Variants in LMNTD1 observed in about 807,000 individuals in gnomAD.
LMNTD1 encodes the protein lamin tail domain-containing protein 1.
A neutral mutation model predicts 50.9 loss-of-function variants in LMNTD1; 35 were observed. That is an observed-to-expected ratio of 0.69 (90% CI 0.53 to 0.91). The LOEUF (loss-of-function observed/expected upper bound fraction) is 0.91. Among genes scored for constraint, LMNTD1 ranks in the 40% least tolerant of loss-of-function variants. LMNTD1 has a pLI of 0.00. For synonymous variants in LMNTD1, 153 were observed against 161.9 expected, an observed-to-expected ratio of 0.94 and a Z score of 0.42; for missense variants, 470 against 475.5, an observed-to-expected ratio of 0.99 and a Z score of 0.11.
At chr12:25,490,520 A>G (rs753035142) in intron 9 of LMNTD1, among the ~76,000 whole-genome samples, 4 of 152,206 alleles carry the variant, frequency 2.6e-5, no homozygotes, top group African/African-American at 4.8e-5. Context: ...CATTTAAGGT[A>G]TGGAAAAAGG....
At chr12:25,637,848 A>G (rs2136616285) in intron 1 of LMNTD1, among the ~76,000 whole-genome samples, 1 of 152,192 alleles carries the variant, frequency 6.6e-6, no homozygotes, top group South Asian at 2.1e-4. Context: ...CATTAGGAGA[A>G]TGGAAATCAA....
At chr12:25,565,642 T>C (rs1490645474) in intron 1 of LMNTD1, among the ~76,000 whole-genome samples, 1 of 152,214 alleles carries the variant, frequency 6.6e-6, no homozygotes, top group Admixed American at 6.5e-5. Context: ...TACAGTGTTA[T>C]AATGTTCTGT....
At chr12:25,544,518 T>A (rs145793314) in intron 4 of LMNTD1, among the ~76,000 whole-genome samples, 1 of 151,960 alleles carries the variant, frequency 6.6e-6, no homozygotes, top group Non-Finnish European at 1.5e-5. Context: ...CCTAAGCCAC[T>A]CTATGCCTTT....
intron 1 of LMNTD1, among the ~76,000 whole-genome samples, chr12:25,580,603 T>C (rs1945243904): frequency 1.3e-5 from 2 of 152,242 alleles, no homozygotes; most frequent in Admixed American, 6.5e-5. Context: ...ATAGTAATTC[T>C]TTCTAAAACA....
chr12:25,530,602 T>A (rs1445513460), intron 4 of LMNTD1, among the ~76,000 whole-genome samples: 1 of 152,240 alleles, frequency 6.6e-6, no homozygotes, highest in Admixed American at 6.5e-5. Flanking sequence ...GTTCCGTTGA[T>A]CTAGCTGTTC....
chr12:25,570,391 GATAGA>G (rs1411904503), intron 1 of LMNTD1, among the ~76,000 whole-genome samples: 1 of 152,168 alleles, frequency 6.6e-6, no homozygotes, highest in Non-Finnish European at 1.5e-5. Context: ...TCAAAGGTTG[GATAGA>G]ACTTTGAAAG....
chr12:25,571,960 C>T (rs1944816992), intron 1 of LMNTD1, among the ~76,000 whole-genome samples: 1 of 152,158 alleles, frequency 6.6e-6, no homozygotes, highest in Non-Finnish European at 1.5e-5. Context: ...GAATAAGCCA[C>T]CACACCCAGC....
intron 9 of LMNTD1, among the ~76,000 whole-genome samples, chr12:25,479,118 G>GTAAC (rs1268637441): frequency 2.0e-5 from 3 of 152,114 alleles, no homozygotes; most frequent in African/African-American, 7.2e-5. Flanking sequence ...AGCCAACACT[G>GTAAC]TAACTCCCTT....
At chr12:25,507,767 T>C (rs902928834) in intron 8 of LMNTD1, among the ~76,000 whole-genome samples, 2 of 152,220 alleles carry the variant, frequency 1.3e-5, no homozygotes, top group African/African-American at 2.4e-5. Flanking sequence ...TTGATGGCCA[T>C]GTGTCTAAAT....
intron 4 of LMNTD1, among the ~76,000 whole-genome samples, chr12:25,539,910 A>C (rs892853348): frequency 6.6e-6 from 1 of 151,790 alleles, no homozygotes; most frequent in Non-Finnish European, 1.5e-5. Flanking sequence ...CCGATCCCAC[A>C]GGAATACAAA....
intron 1 of LMNTD1, among the ~76,000 whole-genome samples, chr12:25,611,553 C>T (rs1289743416): frequency 6.6e-6 from 1 of 152,218 alleles, no homozygotes; most frequent in African/African-American, 2.4e-5. Flanking sequence ...AATGGTTTAG[C>T]TCCAGTGTTC....
rs371678877 is a variant in LMNTD1, at chr12:25,634,367, G to A, written c.58+14127C>T. Among the ~76,000 whole-genome samples, 255 of 152,132 alleles carry A rather than the reference G, an allele frequency of 1.7e-3. 4 individuals are homozygous for A. Among genetic ancestry groups the A allele is most frequent in the South Asian group, 0.014 (66 of 4,804 alleles). Reference sequence around the variant, plus strand: ...AGCATCACCCTAATACCAAAACCAGGAAAGGACATAACCAAAAAAGAAAAC... The same window carrying A: ...AGCATCACCCTAATACCAAAACCAGAAAAGGACATAACCAAAAAAGAAAAC... On this transcript the variant is annotated intron_variant, in intron 1 of 7. Coordinates refer to the LMNTD1 transcript ENST00000445693.
intron 1 of LMNTD1, among the ~76,000 whole-genome samples, chr12:25,600,218 A>G (rs1472500000): frequency 1.3e-5 from 2 of 152,050 alleles, no homozygotes; most frequent in East Asian, 3.8e-4. Flanking sequence ...TCTTCAATAA[A>G]TTGTGCTGGG....
chr12:25,619,246 CTCTCTCTATATATA>C (rs772256804), intron 1 of LMNTD1, among the ~76,000 whole-genome samples: 4 of 76,232 alleles, frequency 5.2e-5, no homozygotes, highest in Non-Finnish European at 7.9e-5. Context: ...CTCTCTCTCT[CTCTCTCTATATATA>C]TATATATATA....
intron 4 of LMNTD1, among the ~76,000 whole-genome samples, chr12:25,527,703 CACACACACACACACACATAT>C (rs1941900715): frequency 8.1e-6 from 1 of 124,116 alleles, no homozygotes; most frequent in African/African-American, 3.2e-5. Context: ...CACACACACA[CACACACACACACACACATAT>C]ACACACATAT....
chr12:25,554,960 G>A (rs1246847833), upstream of LMNTD1, among the ~76,000 whole-genome samples: 1 of 151,922 alleles, frequency 6.6e-6, no homozygotes, highest in Non-Finnish European at 1.5e-5. Context: ...CAGCTACTCT[G>A]GAGGCTAAGG....
At chr12:25,646,138 T>G (rs1947065093) in intron 1 of LMNTD1, among the ~76,000 whole-genome samples, 2 of 152,096 alleles carry the variant, frequency 1.3e-5, no homozygotes, top group Admixed American at 6.5e-5. Flanking sequence ...TTTTTTTAAA[T>G]AAATAGTAAA....
chr12:25,485,217 T>G (rs1938583185), intron 9 of LMNTD1, among the ~76,000 whole-genome samples: 1 of 146,320 alleles, frequency 6.8e-6, no homozygotes, highest in African/African-American at 2.5e-5. Context: ...TGAGATGGTA[T>G]CTCATTGTGG....
chr12:25,637,031 G>A (rs1349680181), intron 1 of LMNTD1, among the ~76,000 whole-genome samples: 1 of 152,008 alleles, frequency 6.6e-6, no homozygotes, highest in Admixed American at 6.6e-5. Context: ...TGCAGATATG[G>A]TACAGTGTAT....
Sources: allele counts gnomAD v4.1 joint callset (sites outside exome capture counted in the v4.1 genomes callset), GRCh38; gene constraint gnomAD v4.1.1; transcripts MANE v1.5; gene names NCBI Gene and HGNC (gene_info 2026-07-23, HGNC 2026-07-21).